The following MICAL2 variants were observed in gnomAD, a reference collection of about 807,000 sequenced individuals.
The protein encoded by MICAL2 is microtubule associated monooxygenase, calponin and LIM domain containing 2, also known as [F-actin]-monooxygenase MICAL2.
In MICAL2, 77 loss-of-function variants were observed where a neutral mutation model predicts 127.3. The observed-to-expected ratio is 0.60, with a 90% CI of 0.50 to 0.73. The LOEUF (loss-of-function observed/expected upper bound fraction) is 0.73. Among genes scored for constraint, MICAL2 ranks in the 30% least tolerant of loss-of-function variants. The probability of loss-of-function intolerance (pLI) is 0.00; values close to 1 mark genes in which losing one functional copy is unlikely to be tolerated. For synonymous variants in MICAL2, 570 were observed against 551.1 expected (o/e 1.03, Z -0.48); for missense variants, 1,351 against 1,434.4 (o/e 0.94, Z 0.94).
At position 12,262,466 on chromosome 11, in the gene MICAL2, G is replaced by A. The variant is rs112459774; in HGVS notation, c.3335-14G>A. ...TCTTTCTCTCTCTTTCCAATCTTAC[G>A]CCATGGCCATCAGTTCATTTCAGCC... On this transcript the variant is annotated splice_polypyrimidine_tract_variant and intron_variant, in intron 26 of 27. Transcript: ENST00000683283. 3,487 of 1,612,710 alleles carry A rather than the reference G, an allele frequency of 2.2e-3. 34 individuals carry two copies. In the African/African-American group the frequency reaches 0.023, roughly 11 times the overall value.
chr11:12,273,378 C>A (rs754905040), upstream of MICAL2, among the ~76,000 whole-genome samples: 13 of 152,186 alleles, frequency 8.5e-5, no homozygotes, highest in Non-Finnish European at 1.6e-4. Flanking sequence ...CCACCACCAT[C>A]GCCATGTCAT....
At chr11:12,180,921 C>CTTTTTTTTTTTTTTTTTTTTTTT (rs56946936) in intron 3 of MICAL2, among the ~76,000 whole-genome samples, 1 of 82,474 alleles carries the variant, frequency 1.2e-5, no homozygotes. Flanking sequence ...TATTTTCCTT[C>CTTTTTTTTTTTTTTTTTTTTTTT]TTTTTTTTTT....
Position 12,220,284 on chromosome 11 carries a change from C to A in MICAL2, c.1032C>A (p.Asp344Glu), listed in dbSNP as rs779539293. 1 of 1,614,238 alleles carries A rather than the reference C, an allele frequency of 6.2e-7. No individual in the cohort carries two copies. The highest frequency in any genetic ancestry group is 2.2e-5 in the East Asian group (1 of 44,882). ...TATCCTATGCCCGGGAAGCTGCAGACTTTGCCACCAACTACCAGCTGCCAT... is the reference window on the plus strand; with the variant it reads ...TATCCTATGCCCGGGAAGCTGCAGAATTTGCCACCAACTACCAGCTGCCAT... ...NLLSYAREAA[D>E]FATNYQLPSL... Residue 344 changes from aspartate to glutamate, a missense_variant, in exon 9 of 28, where the codon GAC becomes GAA. Transcript: ENST00000683283.
chr11:12,256,738 G>A lies in MICAL2; in HGVS notation c.2956-47G>A, dbSNP rs756661818. On this transcript the variant is annotated intron_variant, in intron 23 of 27. Coordinates refer to ENST00000683283, the MANE Select transcript of MICAL2 (RefSeq NM_001282663.2). ...AAAAGCCTTGGCCTGGCATTTGAAG[G>A]CTCGGGATAAGCCATAATACACCCA... The A allele has an allele frequency of 2.0e-6, 3 of 1,512,800 alleles. 1 individual carries two copies. Among genetic ancestry groups the A allele is most frequent in the South Asian group, 1.3e-5 (1 of 78,046 alleles). 93.7% of individuals were successfully genotyped at this position (1,512,800 alleles called of 1,614,324 possible).
chr11:12,218,336 C>T (rs1590408089), intron 8 of MICAL2, among the ~76,000 whole-genome samples: 2 of 152,188 alleles, frequency 1.3e-5, no homozygotes, highest in African/African-American at 4.8e-5. Flanking sequence ...CTCATCTGCT[C>T]CCTATGGTTT....
Position 12,310,461 on chromosome 11 carries a change from C to A in MICAL2, c.5213-9235C>A, listed in dbSNP as rs183739479. Among the ~76,000 whole-genome samples, 13 of 152,198 alleles carry A rather than the reference C, an allele frequency of 8.5e-5. No homozygotes were observed. The East Asian group carries it at 2.3e-3, about 27-fold the overall frequency. ...CATTCCCCAATGTATGTTCTTGGCACCTTTGTTAAAATGAGTTGACTGTAA... is the reference window on the plus strand; with the variant it reads ...CATTCCCCAATGTATGTTCTTGGCAACTTTGTTAAAATGAGTTGACTGTAA... On this transcript the variant is annotated intron_variant, in intron 29 of 34. Coordinates refer to the MICAL2 transcript ENST00000646065.
chr11:12,169,526 C>T (rs1382685630), intron 3 of MICAL2, among the ~76,000 whole-genome samples: 2 of 152,192 alleles, frequency 1.3e-5, no homozygotes, highest in Admixed American at 6.5e-5. Flanking sequence ...GCTGGGACTA[C>T]AGGCGTGAGC....
At chr11:12,352,730 A>G (rs1939072107) in intron 33 of MICAL2, among the ~76,000 whole-genome samples, 4 of 152,186 alleles carry the variant, frequency 2.6e-5, no homozygotes, top group Admixed American at 2.6e-4. Context: ...CTATGAAGGG[A>G]GAAGGAGCAG....
At chr11:12,336,622 A>G (rs1465250919) in intron 32 of MICAL2, among the ~76,000 whole-genome samples, 6 of 152,040 alleles carry the variant, frequency 3.9e-5, no homozygotes, top group Admixed American at 6.6e-5. Flanking sequence ...TTTGAGATAC[A>G]TCCCATCAAT....
At chr11:12,146,452 C>A (rs576418027) in intron 2 of MICAL2, among the ~76,000 whole-genome samples, 4 of 152,236 alleles carry the variant, frequency 2.6e-5, no homozygotes, top group Non-Finnish European at 5.9e-5. Flanking sequence ...ACAACAGACA[C>A]GTGAAAAAAT....
At chr11:12,244,223 T>C (rs1354691670) in intron 21 of MICAL2, 111 bp downstream of exon 21, 1 of 1,456,498 alleles carries the variant, frequency 6.9e-7, no homozygotes, top group East Asian at 2.3e-5. Flanking sequence ...GGAATAAAAA[T>C]TTGTAAGATA....
At chr11:12,266,569 G>A (rs946297356), downstream of MICAL2, among the ~76,000 whole-genome samples, 8 of 152,186 alleles carry the variant, frequency 5.3e-5, no homozygotes, top group African/African-American at 1.2e-4. Context: ...GCAGAACTTC[G>A]TTAGCTCTTC....
chr11:12,225,503 T>C (rs78793674), intron 13 of MICAL2: 1 of 152,094 alleles, frequency 6.6e-6, no homozygotes, highest in East Asian at 1.9e-4. Flanking sequence ...TTTTTTTTTT[T>C]AAGCTGGAGT....
chr11:12,227,744 A>C (rs1433706761), intron 15 of MICAL2, among the ~76,000 whole-genome samples: 1 of 152,136 alleles, frequency 6.6e-6, no homozygotes, highest in Admixed American at 6.5e-5. Flanking sequence ...TGTCTCTGTA[A>C]TTTTTTTCAT....
chr11:12,242,837 A>T (rs1330173409), intron 20 of MICAL2, 65 bp downstream of exon 20: 14 of 1,253,178 alleles, frequency 1.1e-5, no homozygotes, highest in Non-Finnish European at 1.5e-5. Flanking sequence ...GTGACCTTGA[A>T]TCAGGCTCTG....
downstream of MICAL2, among the ~76,000 whole-genome samples, chr11:12,266,193 T>C (rs1425837476): frequency 2.0e-5 from 3 of 152,170 alleles, no homozygotes; most frequent in African/African-American, 7.2e-5. Flanking sequence ...AATATGAACT[T>C]CATCCCAAGT....
chr11:12,265,314 A>G (rs748003662), downstream of MICAL2, among the ~76,000 whole-genome samples: 3 of 152,214 alleles, frequency 2.0e-5, no homozygotes, highest in Non-Finnish European at 4.4e-5. Flanking sequence ...TTCTACATAC[A>G]TAGTTTTGGT....
intron 2 of MICAL2, chr11:12,161,815 G>C: frequency 3.0e-6 from 1 of 333,036 alleles, no homozygotes; most frequent in Admixed American, 4.5e-5. Flanking sequence ...CATTAGCCAG[G>C]GCATAGCCCT....
chr11:12,227,739 CTG>C (rs766091445), intron 15 of MICAL2, among the ~76,000 whole-genome samples: 1 of 152,168 alleles, frequency 6.6e-6, no homozygotes, highest in Non-Finnish European at 1.5e-5. Flanking sequence ...CTTAATGTCT[CTG>C]TAATTTTTTT....
Sources: gnomAD v4.1 joint callset for allele counts (sites outside exome capture counted in the v4.1 genomes callset) on GRCh38, gnomAD v4.1.1 for gene constraint, MANE v1.5 for transcripts, NCBI Gene and HGNC (gene_info 2026-07-23, HGNC 2026-07-21) for gene names.